The following TTC7A variants were observed in gnomAD, a reference collection of about 807,000 sequenced individuals.
TTC7A encodes the protein tetratricopeptide repeat domain 7A.
In TTC7A, 110 loss-of-function variants were observed where a neutral mutation model predicts 103.7. That is an observed-to-expected ratio of 1.06 (90% CI 0.91 to 1.24). TTC7A has a LOEUF of 1.24. Among genes scored for constraint, TTC7A ranks in the 50% most tolerant of loss-of-function variants. The pLI, the probability that TTC7A is intolerant of heterozygous loss-of-function variation, is 0.00. For synonymous variants in TTC7A, 521 were observed against 467.9 expected, an observed-to-expected ratio of 1.11 and a Z score of -1.47; for missense variants, 1,340 against 1,116.3, an observed-to-expected ratio of 1.20 and a Z score of -2.86.
At chr2:47,018,346 G>T (rs905446046) in intron 11 of TTC7A, among the ~76,000 whole-genome samples, 3 of 151,372 alleles carry the variant, frequency 2.0e-5, no homozygotes, top group South Asian at 4.2e-4. Context: ...GCTTTTGGAG[G>T]CCAATGCAGG....
At chr2:46,930,346 A>G (rs1299075123) in intron 2 of TTC7A, among the ~76,000 whole-genome samples, 1 of 151,930 alleles carries the variant, frequency 6.6e-6, no homozygotes, top group Non-Finnish European at 1.5e-5. Context: ...AAATAGCACT[A>G]TAAATTCTAC....
chr2:46,973,984 G>A (rs1380507751), intron 3 of TTC7A, among the ~76,000 whole-genome samples: 1 of 152,164 alleles, frequency 6.6e-6, no homozygotes, highest in Non-Finnish European at 1.5e-5. Context: ...GTAGCCAGGA[G>A]CAGCTGGTGC....
chr2:46,952,296 G>C (rs1397405279), intron 2 of TTC7A, among the ~76,000 whole-genome samples: 1 of 152,134 alleles, frequency 6.6e-6, no homozygotes, highest in African/African-American at 2.4e-5. Context: ...GGTTGGACCA[G>C]ATTGGTGGGG....
intron 3 of TTC7A, among the ~76,000 whole-genome samples, chr2:46,968,232 C>T: frequency 6.6e-6 from 1 of 152,228 alleles, no homozygotes; most frequent in Non-Finnish European, 1.5e-5. Context: ...AAAGCAAGTC[C>T]TCCTCTTGCA....
rs752771480 is a variant in TTC7A at position 47,005,929 on chromosome 2, G to A, written c.1073G>A (p.Arg358Gln). The A allele has an allele frequency of 1.7e-5, 28 of 1,614,110 alleles. No individual in the cohort carries two copies. In the African/African-American group the frequency reaches 2.9e-4, roughly 17 times the overall value. ...LLLISESMAT[R>Q]DVVLSRVPEQ... The stretch of plus-strand genomic sequence containing the variant: ...ACAATGTCCCACCCACAGGCAACTC[G>A]AGATGTGGTGCTGAGCCGGGTGCCG... The change falls in exon 9 of 20, where the codon CGA becomes CAA. Residue 358 changes from arginine to glutamine, a missense_variant. By Grantham distance (43) the Arg-to-Gln change is conservative (BLOSUM62 1). Transcript: ENST00000319190.
Position 46,941,777 on chromosome 2 carries a change from GCCT to G in TTC7A, c.184+58_184+60del, listed in dbSNP as rs1275022409. The stretch of plus-strand genomic sequence containing the variant: ...CGGCAGCGAGCGCGCGAAACGCACC[GCCT>G]CCTCCAGGAAGCGCGCCCAGACAGT... On this transcript the variant is annotated intron_variant, in intron 1 of 19. Coordinates refer to ENST00000319190, the MANE Select transcript of TTC7A (RefSeq NM_020458.4). This position sits in a 1 kb window ranked among gnomAD's most constrained non-coding sequence, Gnocchi z 4.2. 1.3e-6 allele frequency: 2 copies of G among 1,544,272 alleles called. No individual in the cohort carries two copies. Among genetic ancestry groups the G allele is most frequent in the Non-Finnish European group, 1.7e-6 (2 of 1,144,000 alleles).
intron 19 of TTC7A, among the ~76,000 whole-genome samples, chr2:47,070,756 G>C (rs1426983613): frequency 6.6e-6 from 1 of 152,126 alleles, no homozygotes; most frequent in Non-Finnish European, 1.5e-5. Context: ...ACTTCCCCCA[G>C]AGCCCTGCAC....
At chr2:47,045,333 G>A (rs1241572902) in intron 15 of TTC7A, among the ~76,000 whole-genome samples, 7 of 152,168 alleles carry the variant, frequency 4.6e-5, no homozygotes, top group Non-Finnish European at 8.8e-5. Context: ...GGCCTCCAGG[G>A]CTCCACCCCA....
At chr2:46,977,145 C>T (rs1673960079) in intron 4 of TTC7A, among the ~76,000 whole-genome samples, 1 of 152,218 alleles carries the variant, frequency 6.6e-6, no homozygotes, top group South Asian at 2.1e-4. Context: ...TAATGCCAGG[C>T]ACTGTACTGT....
intron 18 of TTC7A, chr2:47,054,251 A>G (rs1683134758): frequency 3.5e-5 from 27 of 778,602 alleles, no homozygotes; most frequent in Non-Finnish European, 4.0e-5. Context: ...TTTCTTTCTC[A>G]TGTAACAGTT....
At chr2:46,985,633 A>G (rs1195048085) in intron 5 of TTC7A, among the ~76,000 whole-genome samples, 1 of 152,206 alleles carries the variant, frequency 6.6e-6, no homozygotes, top group African/African-American at 2.4e-5. Context: ...AACTTGCCCA[A>G]AGTCAGAGCT....
chr2:47,027,322 C>T (rs911850855), intron 14 of TTC7A, among the ~76,000 whole-genome samples: 3 of 152,144 alleles, frequency 2.0e-5, no homozygotes, highest in African/African-American at 4.8e-5. Flanking sequence ...CCTTGACCTG[C>T]GACAGCTTTG....
intron 19 of TTC7A, among the ~76,000 whole-genome samples, chr2:47,061,186 T>C (rs973202702): frequency 6.6e-6 from 1 of 152,176 alleles, no homozygotes; most frequent in African/African-American, 2.4e-5. Flanking sequence ...GCCATTTCCC[T>C]TCAATCAGGG....
intron 3 of TTC7A, among the ~76,000 whole-genome samples, chr2:46,959,066 T>G (rs1672155669): frequency 6.6e-6 from 1 of 152,192 alleles, no homozygotes; most frequent in South Asian, 2.1e-4. Flanking sequence ...TGCGCGGATC[T>G]CACAGGAAGT....
At chr2:47,018,189 A>G (rs1678876858) in intron 11 of TTC7A, among the ~76,000 whole-genome samples, 1 of 151,884 alleles carries the variant, frequency 6.6e-6, no homozygotes, top group African/African-American at 2.4e-5. Flanking sequence ...AGACACAAGA[A>G]TCACTTGAAC....
chr2:46,956,855 A>G lies in TTC7A; in HGVS notation c.365A>G (p.Glu122Gly). Residue 122 changes from glutamate to glycine, a missense_variant, in exon 3 of 20, where the codon GAG (glutamate) becomes GGG (glycine). By Grantham distance (98) the Glu-to-Gly change is moderately conservative. Coordinates refer to ENST00000319190, the MANE Select transcript of TTC7A (RefSeq NM_020458.4). ...HGRLSPQYMCEAMLILGKLHY... is the reference protein window; with the variant it reads ...HGRLSPQYMCGAMLILGKLHY... Reference sequence around the variant, plus strand: ...TCATTTCAGCCACAGTACATGTGTGAGGCCATGCTGATCCTGGGCAAACTG... The same window carrying G: ...TCATTTCAGCCACAGTACATGTGTGGGGCCATGCTGATCCTGGGCAAACTG... The G allele has an allele frequency of 6.2e-7, 1 of 1,614,182 alleles. No homozygotes were observed. The highest frequency in any genetic ancestry group is 8.5e-7 in the Non-Finnish European group (1 of 1,180,034).
chr2:46,948,792 A>T (rs976667366), intron 1 of TTC7A, among the ~76,000 whole-genome samples: 9 of 152,152 alleles, frequency 5.9e-5, no homozygotes, highest in African/African-American at 1.9e-4. Flanking sequence ...TGGCTATGAG[A>T]TGTTAGCAGA....
At chr2:47,036,751 G>A (rs547639103) in intron 15 of TTC7A, among the ~76,000 whole-genome samples, 25 of 152,206 alleles carry the variant, frequency 1.6e-4, no homozygotes, top group Non-Finnish European at 3.1e-4. Flanking sequence ...CCAACGACTT[G>A]GGAGGCTGGG....
intron 3 of TTC7A, among the ~76,000 whole-genome samples, chr2:46,967,567 T>C (rs994008967): frequency 1.3e-5 from 2 of 152,214 alleles, no homozygotes; most frequent in African/African-American, 4.8e-5. Flanking sequence ...CTTATCCATA[T>C]TGTAGCATGT....
Sources: gnomAD v4.1 joint callset for allele counts (sites outside exome capture counted in the v4.1 genomes callset) on GRCh38, gnomAD v4.1.1 for gene constraint, Gnocchi (gnomAD v3.1) non-coding constraint, MANE v1.5 for transcripts, NCBI Gene and HGNC (gene_info 2026-07-23, HGNC 2026-07-21) for gene names.